The following BGLAP variants were observed in gnomAD, a reference collection of about 807,000 sequenced individuals.
The protein encoded by BGLAP is osteocalcin.
In BGLAP, 15 loss-of-function variants were observed where a neutral mutation model predicts 13.7. That is an observed-to-expected ratio of 1.09 (90% CI 0.73 to 1.68). The LOEUF is 1.68. Ranked by LOEUF, BGLAP falls within the 40% of genes most tolerant of loss-of-function variation. The pLI is 0.00. For synonymous variants in BGLAP, 67 were observed against 56.2 expected, an observed-to-expected ratio of 1.19 and a Z score of -0.86; for missense variants, 120 against 134.3, an observed-to-expected ratio of 0.89 and a Z score of 0.53.
Position 156,242,799 on chromosome 1 carries a change from G to C in BGLAP, c.141G>C (p.Lys47Asn). ...AGCAGGAGGGCAGCGAGGTAGTGAA[G>C]AGACCCAGGCGCTACCTGTATCAAT... ...VSKQEGSEVVKRPRRYLYQWL... is the reference protein window; with the variant it reads ...VSKQEGSEVVNRPRRYLYQWL... Residue 47 changes from lysine (K) to asparagine (N), a missense_variant, in exon 3 of 4, where the codon AAG becomes AAC. By Grantham distance (94) the Lys-to-Asn change is moderately conservative. Coordinates refer to ENST00000368272, the MANE Select transcript of BGLAP (RefSeq NM_199173.6). The C allele has an allele frequency of 1.2e-6, 2 of 1,602,226 alleles. No individual in the cohort carries two copies. Among genetic ancestry groups the C allele is most frequent in the Non-Finnish European group, 1.7e-6 (2 of 1,173,178 alleles).
In BGLAP at chr1:156,243,307, C is replaced by G; in HGVS notation, c.*145C>G. On this transcript the variant is annotated 3_prime_UTR_variant, in exon 4 of 4. Transcript: ENST00000368272. The stretch of plus-strand genomic sequence containing the variant: ...ATCCCAGCTGCTCCCAAATAAACTC[C>G]AGAAGAGGAATCTGTGGGCCTGTGA... 1 of 1,371,520 alleles carries G rather than the reference C, an allele frequency of 7.3e-7. No individual in the cohort carries two copies. Among genetic ancestry groups the G allele is most frequent in the Middle Eastern group, 2.5e-4 (1 of 4,044 alleles). 85.0% of individuals were successfully genotyped at this position (1,371,520 alleles called of 1,614,324 possible). A position where few individuals can be genotyped will look rare whatever the true frequency, so the allele number is the denominator to read the frequency against.
intron 1 of BGLAP, 97 bp downstream of exon 1, chr1:156,242,392 C>G: frequency 2.6e-6 from 4 of 1,546,340 alleles, no homozygotes; most frequent in Non-Finnish European, 3.5e-6. Flanking sequence ...GCTGGCAGTC[C>G]CTTTGCAGTC....
At position 156,242,539 on chromosome 1, in the gene BGLAP, C is replaced by T. The variant is rs1397675297; in HGVS notation, c.65-14C>T. 2 of 1,551,904 alleles carry T rather than the reference C, an allele frequency of 1.3e-6. No homozygotes were observed. Among genetic ancestry groups the T allele is most frequent in the African/African-American group, 1.4e-5 (1 of 73,148 alleles). Reference sequence around the variant, plus strand: ...GGATGAGCTGGGGTGAACCAGGCTCCCTTTCCTTTGCAGGTGCGAAGCCCA... The same window carrying T: ...GGATGAGCTGGGGTGAACCAGGCTCTCTTTCCTTTGCAGGTGCGAAGCCCA... On this transcript the variant is annotated splice_polypyrimidine_tract_variant and intron_variant, in intron 1 of 3. Transcript: ENST00000368272.
intron 2 of BGLAP, 60 bp from the exon 3 acceptor site, chr1:156,242,702 G>C: frequency 1.2e-6 from 2 of 1,605,314 alleles, no homozygotes; most frequent in Non-Finnish European, 1.7e-6. Flanking sequence ...AGGCCAGCCT[G>C]CTCCCCACCT....
chr1:156,242,513 G>C (rs1271214923), intron 1 of BGLAP, 40 bp from the exon 2 acceptor site: 1 of 1,551,738 alleles, frequency 6.4e-7, no homozygotes. Flanking sequence ...GAGGGCCCTG[G>C]GGATGAGCTG....
In BGLAP at chr1:156,243,120, C is replaced by A; in HGVS notation, c.261C>A (p.Ile87=). The change falls in exon 4 of 4, where the codon ATC becomes ATA. Residue 87 remains isoleucine, a synonymous_variant. Coordinates refer to ENST00000368272, the MANE Select transcript of BGLAP (RefSeq NM_199173.6). ...NPDCDELADH[I]GFQEAYRRFY... Reference sequence around the variant, plus strand: ...ACTGTGACGAGTTGGCTGACCACATCGGCTTTCAGGAGGCCTATCGGCGCT... The same window carrying A: ...ACTGTGACGAGTTGGCTGACCACATAGGCTTTCAGGAGGCCTATCGGCGCT... 6.2e-6 allele frequency: 10 copies of A among 1,614,068 alleles called. No homozygotes were observed. Among genetic ancestry groups the A allele is most frequent in the Non-Finnish European group, 6.8e-6 (8 of 1,179,992 alleles).
rs1241667190 is a variant in BGLAP, at chr1:156,243,075, GGT to G, written c.222_223del (p.Cys74Ter). ...CGGATCCCCTGGAGCCCAGGAGGGA[GGT>G]GTGTGAGCTCAATCCGGACTGTGAC... The part of the protein sequence containing the change: ...YPDPLEPRRE[V>X]CELNPDCDEL... On this transcript the variant is annotated frameshift_variant, in exon 4 of 4. Coordinates refer to ENST00000368272, the MANE Select transcript of BGLAP (RefSeq NM_199173.6). LOFTEE classifies it high-confidence loss of function. 2 of 1,614,216 alleles carry G rather than the reference GGT, an allele frequency of 1.2e-6. No individual in the cohort carries two copies. The highest frequency in any genetic ancestry group is 1.7e-6 in the Non-Finnish European group (2 of 1,180,024).
rs745679899 is a variant in BGLAP, at chr1:156,243,093, G to A, written c.234G>A (p.Pro78=). 15 of 1,614,068 alleles carry A rather than the reference G, an allele frequency of 9.3e-6. No individual in the cohort carries two copies. Among genetic ancestry groups the A allele is most frequent in the East Asian group, 6.7e-5 (3 of 44,896 alleles). The change falls in exon 4 of 4, where the codon CCG becomes CCA. Residue 78 remains proline, a synonymous_variant. Transcript: ENST00000368272. The stretch of plus-strand genomic sequence containing the variant: ...GGAGGGAGGTGTGTGAGCTCAATCC[G>A]GACTGTGACGAGTTGGCTGACCACA... ...EPRREVCELN[P]DCDELADHIG... is the part of the protein sequence containing the mutation.
chr1:156,243,060 G>A lies in BGLAP; in HGVS notation c.201G>A (p.Leu67=), dbSNP rs1471594091. 1 of 1,614,026 alleles carries A rather than the reference G, an allele frequency of 6.2e-7. No individual in the cohort carries two copies. The highest frequency in any genetic ancestry group is 8.5e-7 in the Non-Finnish European group (1 of 1,180,002). The stretch of plus-strand genomic sequence containing the variant: ...CCCCAGTCCCCTACCCGGATCCCCT[G>A]GAGCCCAGGAGGGAGGTGTGTGAGC... ...LGAPVPYPDP[L]EPRREVCELN... The change falls in exon 4 of 4, where the codon CTG becomes CTA. Residue 67 remains leucine (L), a synonymous_variant. Coordinates refer to ENST00000368272, the MANE Select transcript of BGLAP (RefSeq NM_199173.6).
chr1:156,243,042 C>T lies in BGLAP; in HGVS notation c.183C>T (p.Val61=), dbSNP rs765394867. Residue 61 remains valine (V), a synonymous_variant, in exon 4 of 4, where the codon GTC becomes GTT. Transcript: ENST00000368272. ...ACGTCGGGTGTCTCAGAGCCCCAGT[C>T]CCCTACCCGGATCCCCTGGAGCCCA... ...RYLYQWLGAP[V]PYPDPLEPRR... is the part of the protein sequence containing the mutation. 3 of 1,614,130 alleles carry T rather than the reference C, an allele frequency of 1.9e-6. No individual in the cohort carries two copies. The highest frequency in any genetic ancestry group is 1.3e-5 in the African/African-American group (1 of 75,046).
chr1:156,243,162 G>A lies in BGLAP; in HGVS notation c.303G>A (p.Ter101=), dbSNP rs1659589566. 6.2e-7 allele frequency: 1 copy of A among 1,613,602 alleles called. No homozygotes were observed. The highest frequency in any genetic ancestry group is 1.7e-4 in the Middle Eastern group (1 of 6,060). Residue 101 remains the stop codon, a stop_retained_variant, in exon 4 of 4, where the codon TAG becomes TAA. Transcript: ENST00000368272. ...EAYRRFYGPV[*] is the part of the protein sequence containing the mutation. The stretch of plus-strand genomic sequence containing the variant: ...ATCGGCGCTTCTACGGCCCGGTCTA[G>A]GGTGTCGCTCTGCTGGCCTGGCCGG...
intron 1 of BGLAP, 77 bp downstream of exon 1, chr1:156,242,372 C>T (rs2103151932): frequency 1.9e-6 from 3 of 1,567,468 alleles, no homozygotes; most frequent in East Asian, 4.8e-5. Flanking sequence ...CACCTCTTCT[C>T]ACCCCTTTGG....
chr1:156,242,223 C>A lies in BGLAP; in HGVS notation c.-9C>A. The A allele has an allele frequency of 6.2e-7, 1 of 1,612,594 alleles. No individual in the cohort carries two copies. Among genetic ancestry groups the A allele is most frequent in the Non-Finnish European group, 8.5e-7 (1 of 1,179,890 alleles). On this transcript the variant is annotated 5_prime_UTR_variant, in exon 1 of 4. Coordinates refer to ENST00000368272, the MANE Select transcript of BGLAP (RefSeq NM_199173.6). ...CTGAGCAGCAGCCCAGCGCAGCCAC[C>A]GAGACACCATGAGAGCCCTCACACT...
intron 1 of BGLAP, 31 bp downstream of exon 1, chr1:156,242,326 T>C (rs1485926846): frequency 6.2e-7 from 1 of 1,608,806 alleles, no homozygotes; most frequent in South Asian, 1.1e-5. Flanking sequence ...TCAGGCCGCA[T>C]TGCAGTGGGG....
rs370802172 is a variant in BGLAP, at chr1:156,243,026, G to A, written c.174-7G>A. The stretch of plus-strand genomic sequence containing the variant: ...GGGGGCTGATGCCACCACGTCGGGT[G>A]TCTCAGAGCCCCAGTCCCCTACCCG... On this transcript the variant is annotated splice_polypyrimidine_tract_variant and splice_region_variant and intron_variant, in intron 3 of 3. Transcript: ENST00000368272. 1 of 1,613,948 alleles carries A rather than the reference G, an allele frequency of 6.2e-7. No individual in the cohort carries two copies. The highest frequency in any genetic ancestry group is 1.3e-5 in the African/African-American group (1 of 74,918).
chr1:156,242,728 A>G (rs1659515785), intron 2 of BGLAP, 34 bp from the exon 3 acceptor site: 1 of 1,593,522 alleles, frequency 6.3e-7, no homozygotes, highest in Non-Finnish European at 8.6e-7. Flanking sequence ...TCCCAAACCC[A>G]GAGCCACCTG....
At chr1:156,242,660 C>G in intron 2 of BGLAP, 69 bp downstream of exon 2, 1 of 1,606,454 alleles carries the variant, frequency 6.2e-7, no homozygotes, top group Non-Finnish European at 8.5e-7. Context: ...CTCATTCCCC[C>G]ACTCCTGCCA....
chr1:156,242,253 G>A lies in BGLAP; in HGVS notation c.22G>A (p.Ala8Thr), dbSNP rs760369965. MRALTLL[A>T]LLALAALCIA... The stretch of plus-strand genomic sequence containing the variant: ...CACCATGAGAGCCCTCACACTCCTC[G>A]CCCTATTGGCCCTGGCCGCACTTTG... The change falls in exon 1 of 4, where the codon GCC becomes ACC. Residue 8 changes from alanine to threonine, a missense_variant. By Grantham distance (58) the Ala-to-Thr change is moderately conservative. Coordinates refer to ENST00000368272, the MANE Select transcript of BGLAP (RefSeq NM_199173.6). The A allele has an allele frequency of 3.7e-6, 6 of 1,612,774 alleles. No homozygotes were observed. The highest frequency in any genetic ancestry group is 1.7e-5 in the Admixed American group (1 of 59,910).
In BGLAP at chr1:156,242,814, C is replaced by T. The variant is rs201282254; in HGVS notation, c.156C>T (p.Tyr52=). 4 of 1,599,992 alleles carry T rather than the reference C, an allele frequency of 2.5e-6. No individual in the cohort carries two copies. The highest frequency in any genetic ancestry group is 3.4e-6 in the Non-Finnish European group (4 of 1,171,764). The change falls in exon 3 of 4, where the codon TAC becomes TAT. Residue 52 remains tyrosine, a synonymous_variant. Transcript: ENST00000368272. The part of the protein sequence containing the change: ...GSEVVKRPRR[Y]LYQWLGAPVP... Reference sequence around the variant, plus strand: ...AGGTAGTGAAGAGACCCAGGCGCTACCTGTATCAATGGCTGGGGTGAGAGA... The same window carrying T: ...AGGTAGTGAAGAGACCCAGGCGCTATCTGTATCAATGGCTGGGGTGAGAGA...
Sources: allele counts gnomAD v4.1 joint callset, GRCh38; gene constraint gnomAD v4.1.1; transcripts MANE v1.5; gene names NCBI Gene and HGNC (gene_info 2026-07-23, HGNC 2026-07-21).